SDK2: variants seen among roughly 807,000 people sequenced by gnomAD.
SDK2 encodes sidekick cell adhesion molecule 2.
A neutral mutation model predicts 253.9 loss-of-function variants in SDK2; 105 were observed. The ratio of observed to expected loss-of-function variants is 0.41; its 90% confidence interval spans 0.35 to 0.49. SDK2 has a LOEUF of 0.49. Ranked by LOEUF, SDK2 falls within the 20% of genes least tolerant of loss-of-function variation. The pLI is 0.06. For synonymous variants in SDK2, 1,249 were observed against 1,234.9 expected (o/e 1.01, Z -0.24); for missense variants, 2,608 against 3,003.0 (o/e 0.87, Z 3.07).
Position 73,390,340 on chromosome 17 carries a change from C to G in SDK2, c.4139G>C (p.Arg1380Pro). 6.2e-7 allele frequency: 1 copy of G among 1,609,192 alleles called. No homozygotes were observed. Among genetic ancestry groups the G allele is most frequent in the South Asian group, 1.1e-5 (1 of 90,776 alleles). Reference sequence around the variant, plus strand: ...CTCGGCAGCTTCTCCCCAGCCCTTGCGGGTCTGGGCCGTGATGCGGAACAG... The same window carrying G: ...CTCGGCAGCTTCTCCCCAGCCCTTGGGGGTCTGGGCCGTGATGCGGAACAG... Reference protein sequence around the residue: ...VYLFRITAQTRKGWGEAAEAL... With the variant: ...VYLFRITAQTPKGWGEAAEAL... The change falls in exon 29 of 45, where the codon CGC (arginine) becomes CCC (proline). Residue 1380 changes from arginine to proline, a missense_variant. Around this residue, in one of 2 missense-constraint regions of SDK2, gnomAD observed 1,103 missense variants for 1,143.9 expected, o/e 0.96. Coordinates refer to ENST00000392650, the MANE Select transcript of SDK2 (RefSeq NM_001144952.2).
At chr17:73,424,622 G>C (rs903135250) in intron 12 of SDK2, among the ~76,000 whole-genome samples, 1 of 152,194 alleles carries the variant, frequency 6.6e-6, no homozygotes, top group African/African-American at 2.4e-5. Context: ...ATCAGTGCTT[G>C]ACAATAAAAA....
rs1160452008 is a variant in SDK2, at chr17:73,541,888, G to A, written c.65-34291C>T. Among the ~76,000 whole-genome samples, 1 of 152,210 alleles carries A rather than the reference G, an allele frequency of 6.6e-6. No individual in the cohort carries two copies. Among genetic ancestry groups the A allele is most frequent in the African/African-American group, 2.4e-5 (1 of 41,450 alleles). On this transcript the variant is annotated intron_variant, in intron 1 of 44. Coordinates refer to ENST00000392650, the MANE Select transcript of SDK2 (RefSeq NM_001144952.2). This position sits in a 1 kb window ranked among gnomAD's most constrained non-coding sequence, Gnocchi z 4.3. ...TGGTGGAAACCACCTAGGCTGGGAT[G>A]CAAGTCCAGGCCTGTTCTTGCCTGT... is the stretch of plus-strand genomic sequence containing the variant.
chr17:73,491,631 A>G (rs1036934387), intron 2 of SDK2, among the ~76,000 whole-genome samples: 1 of 152,030 alleles, frequency 6.6e-6, no homozygotes, highest in Non-Finnish European at 1.5e-5. Context: ...CCCTCTCTCT[A>G]CCTTCCTCAA....
At chr17:73,398,501 A>T in intron 22 of SDK2, 72 bp from the exon 23 acceptor site, 1 of 1,316,554 alleles carries the variant, frequency 7.6e-7, no homozygotes, top group South Asian at 1.3e-5. Flanking sequence ...CCCCAGTACA[A>T]GCCCTGCCAG....
rs897961766 is a variant in SDK2 at position 73,386,372 on chromosome 17, C to T, written c.4498+73G>A. On this transcript the variant is annotated intron_variant, in intron 31 of 44. Coordinates refer to ENST00000392650, the MANE Select transcript of SDK2 (RefSeq NM_001144952.2). ...TCTCATCTTTGGAGGCCCCTCCCCC[C>T]GTAAGAAAATGCCCCATGCCCAGGA... is the stretch of plus-strand genomic sequence containing the variant. The T allele has an allele frequency of 3.8e-5, 41 of 1,091,964 alleles. No individual in the cohort carries two copies. In the Admixed American group the frequency reaches 3.8e-4, roughly 10 times the overall value. The allele number at this position is 1,091,964 out of a possible 1,614,324, so 67.6% of individuals were successfully genotyped here.
At chr17:73,563,341 G>A (rs1191575568) in intron 1 of SDK2, among the ~76,000 whole-genome samples, 1 of 152,140 alleles carries the variant, frequency 6.6e-6, no homozygotes, top group Non-Finnish European at 1.5e-5. Context: ...TGGGAGGCGG[G>A]GGCAGGAGAA....
chr17:73,631,126 C>G (rs919307199), intron 1 of SDK2, among the ~76,000 whole-genome samples: 1 of 152,166 alleles, frequency 6.6e-6, no homozygotes, highest in African/African-American at 2.4e-5. Context: ...TCAACACTGA[C>G]AGCCGCGTAT....
In SDK2 at chr17:73,361,678, T is replaced by C. The variant is rs1555751885; in HGVS notation, c.5467+6A>G. On this transcript the variant is annotated splice_donor_region_variant and intron_variant, in intron 39 of 44. Transcript: ENST00000392650. The surrounding 1 kb of genome is among the most constrained non-coding windows in gnomAD (Gnocchi z 4.1). ...GGAAGACATGCCTGGTCCGTTGCTCTCCTACCTTCTCCGGGGCCCGTGGTG... is the reference window on the plus strand; with the variant it reads ...GGAAGACATGCCTGGTCCGTTGCTCCCCTACCTTCTCCGGGGCCCGTGGTG... 1 of 1,610,526 alleles carries C rather than the reference T, an allele frequency of 6.2e-7. No individual in the cohort carries two copies. Among genetic ancestry groups the C allele is most frequent in the East Asian group, 2.2e-5 (1 of 44,718 alleles).
rs1053269584 is a variant in SDK2, at chr17:73,401,041, T to C, written c.2950A>G (p.Ile984Val). ...KGQGQVSAST[I>V]SSGVPPELPG... ...TTACCTGGGGGCACCCCAGAGGAGA[T>C]GGTGGAGGCGGACACTTGGCCCTGG... The change falls in exon 21 of 45, where the codon ATC becomes GTC. Residue 984 changes from isoleucine (I) to valine (V), a missense_variant. Ile to Val is a conservative substitution (Grantham distance 29). Around this residue, in one of 2 missense-constraint regions of SDK2, gnomAD observed 1,505 missense variants for 1,859.1 expected, o/e 0.81. Transcript: ENST00000392650. The C allele has an allele frequency of 1.3e-6, 2 of 1,577,008 alleles. No homozygotes were observed. Among genetic ancestry groups the C allele is most frequent in the South Asian group, 1.2e-5 (1 of 85,694 alleles).
At chr17:73,627,555 G>A (rs1450480030) in intron 1 of SDK2, among the ~76,000 whole-genome samples, 3 of 152,214 alleles carry the variant, frequency 2.0e-5, no homozygotes, top group Non-Finnish European at 4.4e-5. Flanking sequence ...TAAGCACAAA[G>A]TCCTGGGCCA....
Position 73,431,437 on chromosome 17 carries a change from A to G in SDK2, c.1480+65T>C. 6.7e-7 allele frequency: 1 copy of G among 1,487,874 alleles called. No individual in the cohort carries two copies. The allele number at this position is 1,487,874 out of a possible 1,614,324, so 92.2% of individuals were successfully genotyped here. ...TGCCCCGTAGCTGTCCTGAGTCCTC[A>G]GCACCTACAGGGATGTACACACGCA... is the stretch of plus-strand genomic sequence containing the variant. On this transcript the variant is annotated intron_variant, in intron 11 of 44. Coordinates refer to ENST00000392650, the MANE Select transcript of SDK2 (RefSeq NM_001144952.2). The surrounding 1 kb of genome is among the most constrained non-coding windows in gnomAD (Gnocchi z 5.6).
intron 1 of SDK2, among the ~76,000 whole-genome samples, chr17:73,635,860 T>TG (rs2046323224): frequency 6.6e-6 from 1 of 151,290 alleles, no homozygotes; most frequent in South Asian, 2.1e-4. Flanking sequence ...CAGAGAGAGA[T>TG]GGAGACAAGG....
Position 73,419,252 on chromosome 17 carries a change from G to A in SDK2, c.2100C>T (p.Ser700=), listed in dbSNP as rs201245646. Residue 700 remains serine (S), a synonymous_variant, in exon 16 of 45, where the codon AGC becomes AGT. Coordinates refer to ENST00000392650, the MANE Select transcript of SDK2 (RefSeq NM_001144952.2). ...TCATGATGGACTGGTTGGTTCGACCGCTGGCGATGACGTTCTGTGGAGGGG... is the reference window on the plus strand; with the variant it reads ...TCATGATGGACTGGTTGGTTCGACCACTGGCGATGACGTTCTGTGGAGGGG... The part of the protein sequence containing the change: ...PTAPPQNVIA[S]GRTNQSIMIQ... 34 of 1,612,862 alleles carry A rather than the reference G, an allele frequency of 2.1e-5. No homozygotes were observed. The highest frequency in any genetic ancestry group is 1.1e-4 in the South Asian group (10 of 90,732).
At chr17:73,376,841 T>C (rs1382443263) in intron 36 of SDK2, among the ~76,000 whole-genome samples, 1 of 152,232 alleles carries the variant, frequency 6.6e-6, no homozygotes. Flanking sequence ...CTTTAGGGCT[T>C]CCTTGGCAAC....
intron 1 of SDK2, among the ~76,000 whole-genome samples, chr17:73,584,881 A>C (rs2045584027): frequency 6.6e-6 from 1 of 152,262 alleles, no homozygotes; most frequent in Admixed American, 6.5e-5. Context: ...GATTCAGAAC[A>C]GGAAGACGCT....
intron 2 of SDK2, among the ~76,000 whole-genome samples, chr17:73,494,078 G>A (rs1470746837): frequency 3.9e-5 from 6 of 152,218 alleles, no homozygotes; most frequent in Non-Finnish European, 7.3e-5. Flanking sequence ...TCCCTCTCCT[G>A]TTCCCAGGGG....
At chr17:73,440,732 G>A in intron 6 of SDK2, 80 bp downstream of exon 6, 1 of 1,016,604 alleles carries the variant, frequency 9.8e-7, no homozygotes. Flanking sequence ...GTGGCTTCTG[G>A]CTGCTCTCCC....
At chr17:73,432,861 C>T (rs377489131) in intron 10 of SDK2, among the ~76,000 whole-genome samples, 60 of 149,914 alleles carry the variant, frequency 4.0e-4, no homozygotes, top group African/African-American at 9.2e-4. Flanking sequence ...TGTGCACATG[C>T]GTGTGTGTGC....
chr17:73,335,440 C>T lies in SDK2; in HGVS notation c.*3147G>A, dbSNP rs1295245308. 1 of 152,252 alleles carries T rather than the reference C, an allele frequency of 6.6e-6. No individual in the cohort carries two copies. Among genetic ancestry groups the T allele is most frequent in the African/African-American group, 2.4e-5 (1 of 41,460 alleles). 9.4% of individuals were successfully genotyped at this position (152,252 alleles called of 1,614,324 possible). A position where few individuals can be genotyped will look rare whatever the true frequency, so the allele number is the denominator to read the frequency against. On this transcript the variant is annotated 3_prime_UTR_variant, in exon 45 of 45. Coordinates refer to ENST00000392650, the MANE Select transcript of SDK2 (RefSeq NM_001144952.2). ...ATCACAGGCCAGAAAGGGTCCCACTCTTTCTACAAAGGGCAGGGCCCACCA... is the reference window on the plus strand; with the variant it reads ...ATCACAGGCCAGAAAGGGTCCCACTTTTTCTACAAAGGGCAGGGCCCACCA...
Sources: allele counts gnomAD v4.1 joint callset (sites outside exome capture counted in the v4.1 genomes callset), GRCh38; gene constraint gnomAD v4.1.1; regional missense constraint gnomAD v4.1.1; non-coding constraint Gnocchi (gnomAD v3.1); transcripts MANE v1.5; gene names NCBI Gene and HGNC (gene_info 2026-07-23, HGNC 2026-07-21).